Variants in NIPAL3 observed in about 807,000 individuals in gnomAD.
The protein encoded by NIPAL3 is NIPA-like protein 3.
NIPAL3 carries 41 observed loss-of-function variants against 47.2 expected under a neutral mutation model. The observed-to-expected ratio is 0.87, with a 90% CI of 0.68 to 1.13. NIPAL3 has a LOEUF of 1.13. Ranked by LOEUF, NIPAL3 falls within the 50% of genes most tolerant of loss-of-function variation. The pLI is 0.00. For missense variants in NIPAL3, 449 were observed against 530.1 expected, an observed-to-expected ratio of 0.85 and a Z score of 1.50; for synonymous variants, 194 against 209.6, an observed-to-expected ratio of 0.93 and a Z score of 0.64.
In NIPAL3 at chr1:24,469,190, C is replaced by T. The variant is rs759053798; in HGVS notation, c.*5C>T. On this transcript the variant is annotated 3_prime_UTR_variant, in exon 12 of 12. Coordinates refer to ENST00000374399, the MANE Select transcript of NIPAL3 (RefSeq NM_020448.5). Reference sequence around the variant, plus strand: ...GAGCACACCAAGAAGGAATGAGACTCGCCTCCCTCTATTTATAACTGTCCC... The same window carrying T: ...GAGCACACCAAGAAGGAATGAGACTTGCCTCCCTCTATTTATAACTGTCCC... 18 of 1,611,786 alleles carry T rather than the reference C, an allele frequency of 1.1e-5. No individual in the cohort carries two copies. The highest frequency in any genetic ancestry group is 1.2e-5 in the Non-Finnish European group (14 of 1,179,200).
At chr1:24,415,161 T>G (rs557028784), upstream of NIPAL3, 1 of 152,344 alleles carries the variant, frequency 6.6e-6, no homozygotes, top group South Asian at 2.1e-4. Flanking sequence ...TCTGTAAAAC[T>G]CCATGCGCAT....
At chr1:24,438,959 C>T (rs922274250) in intron 2 of NIPAL3, among the ~76,000 whole-genome samples, 9 of 152,148 alleles carry the variant, frequency 5.9e-5, no homozygotes, top group Middle Eastern at 3.4e-3. Context: ...TCCATACAAA[C>T]GCACAAAAAT....
At chr1:24,450,425 AC>A (rs1645880791) in intron 6 of NIPAL3, among the ~76,000 whole-genome samples, 1 of 152,164 alleles carries the variant, frequency 6.6e-6, no homozygotes, top group Non-Finnish European at 1.5e-5. Flanking sequence ...CCCAGGAGAC[AC>A]GGGAAATTTT....
rs565821697 is a variant in NIPAL3, at chr1:24,429,829, C to A, written c.93+10189C>A. ...GGAACCCAAGGCCCTACAGCTGTCT[C>A]AGCCTGATGGCCTCCCAGTGAAAAT... is the stretch of plus-strand genomic sequence containing the variant. On this transcript the variant is annotated intron_variant, in intron 2 of 11. Transcript: ENST00000374399. Among the ~76,000 whole-genome samples the A allele has an allele frequency of 1.2e-4, 18 of 152,314 alleles. No individual in the cohort carries two copies. In the South Asian group the frequency reaches 2.1e-3, roughly 18 times the overall value.
At chr1:24,462,837 C>G (rs1009286393) in intron 10 of NIPAL3, among the ~76,000 whole-genome samples, 10 of 152,048 alleles carry the variant, frequency 6.6e-5, no homozygotes, top group Non-Finnish European at 1.2e-4. Flanking sequence ...GTGGCTCATG[C>G]TTGTAATCCC....
chr1:24,453,583 T>C, intron 7 of NIPAL3, 79 bp downstream of exon 7: 1 of 1,125,776 alleles, frequency 8.9e-7, no homozygotes, highest in Non-Finnish European at 1.3e-6. Context: ...TTTGCAGAGC[T>C]GTAGCCGCTG....
chr1:24,460,093 A>G (rs1477624642), intron 9 of NIPAL3, among the ~76,000 whole-genome samples: 1 of 152,224 alleles, frequency 6.6e-6, no homozygotes, highest in Non-Finnish European at 1.5e-5. Flanking sequence ...GACTGCAGGC[A>G]CAAACTGGTA....
intron 2 of NIPAL3, among the ~76,000 whole-genome samples, chr1:24,427,345 A>G (rs1290936211): frequency 2.0e-5 from 3 of 152,218 alleles, no homozygotes; most frequent in African/African-American, 7.2e-5. Context: ...TTGAATGCTC[A>G]TAAAATTGGA....
intron 7 of NIPAL3, 85 bp downstream of exon 7, chr1:24,453,589 C>T (rs769363332): frequency 9.1e-5 from 97 of 1,070,348 alleles, no homozygotes; most frequent in Non-Finnish European, 1.2e-4. Context: ...GAGCTGTAGC[C>T]GCTGGGCACA....
chr1:24,430,573 C>T (rs1380204943), intron 2 of NIPAL3, among the ~76,000 whole-genome samples: 2 of 152,182 alleles, frequency 1.3e-5, no homozygotes, highest in Admixed American at 6.5e-5. Flanking sequence ...ATTCTTTAAA[C>T]TCCTTCCAAG....
intron 4 of NIPAL3, among the ~76,000 whole-genome samples, chr1:24,442,885 C>A (rs1384540839): frequency 6.6e-6 from 1 of 152,148 alleles, no homozygotes; most frequent in Non-Finnish European, 1.5e-5. Flanking sequence ...CAGGAGGATC[C>A]CTTAAGTCCA....
At chr1:24,432,309 T>C (rs1480448719) in intron 2 of NIPAL3, among the ~76,000 whole-genome samples, 1 of 152,132 alleles carries the variant, frequency 6.6e-6, no homozygotes, top group Non-Finnish European at 1.5e-5. Flanking sequence ...GTATTTCTAG[T>C]AGAGACAGGG....
chr1:24,464,017 A>G lies in NIPAL3; in HGVS notation c.927-9A>G, dbSNP rs1344858780. The G allele has an allele frequency of 1.2e-6, 2 of 1,609,340 alleles. No homozygotes were observed. The highest frequency in any genetic ancestry group is 1.7e-6 in the Non-Finnish European group (2 of 1,176,932). The stretch of plus-strand genomic sequence containing the variant: ...TTATTTCTCTTCCTATCTTATCTCC[A>G]TTCCGCAGGTGCCTCATTGCATTCT... On this transcript the variant is annotated splice_polypyrimidine_tract_variant and intron_variant, in intron 10 of 11. Transcript: ENST00000374399.
At chr1:24,414,989 C>T (rs1258863282), upstream of NIPAL3, 6 of 152,292 alleles carry the variant, frequency 3.9e-5, no homozygotes, top group East Asian at 1.2e-3. Context: ...CTTTCTCTGC[C>T]CCACGATCTG....
At chr1:24,453,888 T>C (rs1436490567) in intron 7 of NIPAL3, among the ~76,000 whole-genome samples, 2 of 152,186 alleles carry the variant, frequency 1.3e-5, no homozygotes, top group Non-Finnish European at 2.9e-5. Context: ...ATGCAAAACC[T>C]ATCAGAGCTT....
At chr1:24,429,597 G>A (rs1424543891) in intron 2 of NIPAL3, among the ~76,000 whole-genome samples, 1 of 152,210 alleles carries the variant, frequency 6.6e-6, no homozygotes, top group Non-Finnish European at 1.5e-5. Context: ...GGTTCAGAGA[G>A]CTCCGCTTTA....
At chr1:24,467,031 G>A (rs904367438) in intron 11 of NIPAL3, among the ~76,000 whole-genome samples, 1 of 152,196 alleles carries the variant, frequency 6.6e-6, no homozygotes, top group Admixed American at 6.5e-5. Context: ...CTCATTAGCT[G>A]TGTGACCTTG....
intron 2 of NIPAL3, among the ~76,000 whole-genome samples, chr1:24,437,567 TC>T (rs1192929558): frequency 6.6e-6 from 1 of 150,898 alleles, no homozygotes; most frequent in Non-Finnish European, 1.5e-5. Context: ...ATTGGGCTGT[TC>T]CTGGCTTCAG....
At chr1:24,445,316 C>T (rs1188447658) in intron 5 of NIPAL3, 72 bp downstream of exon 5, 14 of 1,102,100 alleles carry the variant, frequency 1.3e-5, no homozygotes, top group Admixed American at 5.3e-5. Context: ...AACCAGTTCA[C>T]TCTAATTCAG....
Sources: gnomAD v4.1 joint callset for allele counts (sites outside exome capture counted in the v4.1 genomes callset) on GRCh38, gnomAD v4.1.1 for gene constraint, MANE v1.5 for transcripts, NCBI Gene and HGNC (gene_info 2026-07-23, HGNC 2026-07-21) for gene names.